RAPGEF5: variants seen among roughly 807,000 people sequenced by gnomAD.
The protein encoded by RAPGEF5 is Rap guanine nucleotide exchange factor 5, also known as M-Ras-regulated GEF.
A neutral mutation model predicts 125.2 loss-of-function variants in RAPGEF5; 65 were observed. The ratio of observed to expected loss-of-function variants is 0.52; its 90% CI spans 0.43 to 0.64. The LOEUF is 0.64. Among genes scored for constraint, RAPGEF5 ranks in the 30% least tolerant of loss-of-function variants. RAPGEF5 has a pLI of 0.00. For synonymous variants in RAPGEF5, 391 were observed against 385.9 expected (o/e 1.01, Z -0.16); for missense variants, 958 against 1,048.1 (o/e 0.91, Z 1.19).
intron 7 of RAPGEF5, among the ~76,000 whole-genome samples, chr7:22,231,826 A>G (rs958298911): frequency 3.9e-5 from 6 of 152,228 alleles, no homozygotes; most frequent in Admixed American, 6.5e-5. Flanking sequence ...GCCTGGAGAG[A>G]GTAGAGACCA....
rs142669541 is a variant in RAPGEF5 at position 22,132,140 on chromosome 7, A to G, written c.2417-1039T>C. On this transcript the variant is annotated intron_variant, in intron 23 of 25. Transcript: ENST00000665637. ...CTTAAAAACTCCTATAAATAGAAAA[A>G]GAATGTATTTGCTTTTAATCAAGAT... Among the ~76,000 whole-genome samples, 1,186 of 152,334 alleles carry G rather than the reference A, an allele frequency of 7.8e-3. 10 individuals are homozygous for G. Among genetic ancestry groups the G allele is most frequent in the African/African-American group, 0.026 (1,100 of 41,570 alleles).
chr7:22,321,923 A>T (rs999956775), intron 1 of RAPGEF5, among the ~76,000 whole-genome samples: 1 of 152,156 alleles, frequency 6.6e-6, no homozygotes. Flanking sequence ...ATAAACTTAC[A>T]TCTCAACCAA....
intron 1 of RAPGEF5, among the ~76,000 whole-genome samples, chr7:22,340,816 G>T (rs934380403): frequency 2.0e-5 from 3 of 152,190 alleles, no homozygotes; most frequent in African/African-American, 7.2e-5. Context: ...CTCCTTCCTG[G>T]CAGATTTGGG....
intron 1 of RAPGEF5, among the ~76,000 whole-genome samples, chr7:22,319,835 T>C (rs1024823859): frequency 1.3e-5 from 2 of 151,664 alleles, no homozygotes; most frequent in African/African-American, 4.9e-5. Context: ...AAAAAGCTTT[T>C]AAGCAGAAAC....
intron 5 of RAPGEF5, among the ~76,000 whole-genome samples, chr7:22,295,319 A>G (rs530940700): frequency 6.6e-6 from 1 of 152,340 alleles, no homozygotes; most frequent in Non-Finnish European, 1.5e-5. Flanking sequence ...TGAATGGGAA[A>G]GGTTTCATTA....
At chr7:22,281,133 T>C (rs1303843501) in intron 6 of RAPGEF5, among the ~76,000 whole-genome samples, 1 of 152,214 alleles carries the variant, frequency 6.6e-6, no homozygotes, top group Non-Finnish European at 1.5e-5. Flanking sequence ...AGTAGGGTTC[T>C]GGGGTCTCTG....
chr7:22,315,600 C>A (rs1442724645), intron 2 of RAPGEF5, 124 bp from the exon 3 acceptor site: 2 of 618,856 alleles, frequency 3.2e-6, no homozygotes, highest in Non-Finnish European at 4.1e-6. Flanking sequence ...TATATAAAAT[C>A]ATAACCAAGT....
rs1348653110 is a variant in RAPGEF5 at position 22,325,984 on chromosome 7, T to G, written c.232-7947A>C. On this transcript the variant is annotated intron_variant, in intron 1 of 25. Coordinates refer to ENST00000665637, the MANE Select transcript of RAPGEF5 (RefSeq NM_012294.5). ...GGGGTCGTCAACAGGAAAAATGTTC[T>G]CTTTTCAATTCCCACATTACTCACA... Among the ~76,000 whole-genome samples, 4 of 152,374 alleles carry G rather than the reference T, an allele frequency of 2.6e-5. 1 individual carries two copies. The East Asian group carries it at 7.7e-4, about 29-fold the overall frequency.
intron 9 of RAPGEF5, among the ~76,000 whole-genome samples, chr7:22,194,939 A>G (rs1785111468): frequency 6.6e-6 from 1 of 152,240 alleles, no homozygotes; most frequent in Non-Finnish European, 1.5e-5. Flanking sequence ...ATACCCAGTA[A>G]GCGTACGGTA....
intron 7 of RAPGEF5, among the ~76,000 whole-genome samples, chr7:22,245,005 T>C (rs1028897535): frequency 1.3e-5 from 2 of 152,252 alleles, no homozygotes; most frequent in African/African-American, 2.4e-5. Flanking sequence ...TTTTTGCTAA[T>C]AGCCATTCTA....
intron 9 of RAPGEF5, among the ~76,000 whole-genome samples, chr7:22,197,943 G>A (rs528344398): frequency 6.6e-6 from 1 of 150,986 alleles, no homozygotes; most frequent in East Asian, 1.9e-4. Context: ...AGGCTGGAGT[G>A]CAGGAGCACA....
At chr7:22,178,719 A>G (rs1429801603) in intron 11 of RAPGEF5, among the ~76,000 whole-genome samples, 1 of 152,160 alleles carries the variant, frequency 6.6e-6, no homozygotes, top group Non-Finnish European at 1.5e-5. Flanking sequence ...ACCGACCTGG[A>G]AGCTCTCTGA....
intron 17 of RAPGEF5, among the ~76,000 whole-genome samples, chr7:22,151,198 G>A (rs1268568256): frequency 3.9e-5 from 6 of 152,090 alleles, no homozygotes; most frequent in Non-Finnish European, 8.8e-5. Flanking sequence ...TTTGGTAAAT[G>A]GGATCTATTA....
intron 8 of RAPGEF5, among the ~76,000 whole-genome samples, chr7:22,224,487 TAC>T (rs1785867920): frequency 2.0e-5 from 3 of 152,202 alleles, no homozygotes; most frequent in Admixed American, 1.3e-4. Context: ...CAGTGTTTAA[TAC>T]ACTGTCCTGG....
At chr7:22,219,502 T>C (rs1785725767) in intron 9 of RAPGEF5, among the ~76,000 whole-genome samples, 1 of 150,962 alleles carries the variant, frequency 6.6e-6, no homozygotes, top group African/African-American at 2.4e-5. Context: ...TAAAAATATG[T>C]TGAAATGTTT....
intron 7 of RAPGEF5, among the ~76,000 whole-genome samples, chr7:22,246,560 C>G (rs552397131): frequency 3.8e-4 from 58 of 152,168 alleles, no homozygotes; most frequent in African/African-American, 1.3e-3. Context: ...TACCTTTTAC[C>G]ATTTATAAAA....
At chr7:22,345,696 C>CTTTTTTTTTT (rs60654602) in intron 1 of RAPGEF5, among the ~76,000 whole-genome samples, 1 of 106,670 alleles carries the variant, frequency 9.4e-6, no homozygotes, top group Non-Finnish European at 1.9e-5. Context: ...GTCTAGGCAG[C>CTTTTTTTTTT]TTTTTTTTTT....
intron 12 of RAPGEF5, among the ~76,000 whole-genome samples, chr7:22,165,309 A>G (rs1408429867): frequency 6.6e-6 from 1 of 152,222 alleles, no homozygotes; most frequent in African/African-American, 2.4e-5. Context: ...TTAGGATCAT[A>G]GTTAAAGAAT....
intron 7 of RAPGEF5, among the ~76,000 whole-genome samples, chr7:22,235,889 CT>C (rs1786174218): frequency 6.6e-6 from 1 of 152,178 alleles, no homozygotes; most frequent in Non-Finnish European, 1.5e-5. Flanking sequence ...ATACTCAAAT[CT>C]TTTCCATTCT....
Sources: gnomAD v4.1 joint callset for allele counts (sites outside exome capture counted in the v4.1 genomes callset) on GRCh38, gnomAD v4.1.1 for gene constraint, MANE v1.5 for transcripts, NCBI Gene and HGNC (gene_info 2026-07-23, HGNC 2026-07-21) for gene names.